Variants in SUPT3H observed in about 807,000 individuals in gnomAD.
SUPT3H encodes SPT3 homolog, SAGA and STAGA complex component.
Under a neutral mutation model 44.3 loss-of-function variants are expected in SUPT3H, and 44 were observed. The observed-to-expected ratio is 0.99, with a 90% CI of 0.78 to 1.28. SUPT3H has a LOEUF of 1.28. Among genes scored for constraint, SUPT3H ranks in the 50% most tolerant of loss-of-function variants. The pLI is 0.00. For synonymous variants in SUPT3H, 124 were observed against 125.6 expected (o/e 0.99, Z 0.09); for missense variants, 380 against 387.1 (o/e 0.98, Z 0.15).
At chr6:45,307,197 G>T (rs1367774900) in intron 2 of SUPT3H, among the ~76,000 whole-genome samples, 1 of 152,224 alleles carries the variant, frequency 6.6e-6, no homozygotes, top group Non-Finnish European at 1.5e-5. Context: ...TGGGGGCAGG[G>T]CATAGCCAAA....
rs376040127 is a variant in SUPT3H, at chr6:45,177,065, C to T, written c.102-71059G>A. Among the ~76,000 whole-genome samples the T allele has an allele frequency of 1.3e-4, 20 of 152,322 alleles. No homozygotes were observed. In the East Asian group the frequency reaches 1.9e-3, roughly 15 times the overall value. On this transcript the variant is annotated intron_variant, in intron 2 of 10. Transcript: ENST00000371459. Reference sequence around the variant, plus strand: ...TCACCAGCAACGGAACAAAGCTGGACGGAGAATGACTTTGACTAGCTGAGA... The same window carrying T: ...TCACCAGCAACGGAACAAAGCTGGATGGAGAATGACTTTGACTAGCTGAGA...
chr6:45,102,721 C>A (rs998252879), intron 3 of SUPT3H, among the ~76,000 whole-genome samples: 1 of 151,986 alleles, frequency 6.6e-6, no homozygotes, highest in Non-Finnish European at 1.5e-5. Flanking sequence ...TCGGGCAGAT[C>A]CCTCAGGTCA....
At chr6:44,889,517 A>G (rs958003478) in intron 10 of SUPT3H, among the ~76,000 whole-genome samples, 3 of 152,172 alleles carry the variant, frequency 2.0e-5, no homozygotes, top group African/African-American at 7.2e-5. Context: ...GGGGAAAGGA[A>G]TCCCTATTTA....
chr6:45,183,724 G>A (rs1461665770), intron 2 of SUPT3H, among the ~76,000 whole-genome samples: 1 of 152,188 alleles, frequency 6.6e-6, no homozygotes, highest in East Asian at 1.9e-4. Context: ...CAAGTATAAT[G>A]AGAGTGCTTT....
chr6:45,276,697 T>C (rs1464622642), intron 2 of SUPT3H, among the ~76,000 whole-genome samples: 1 of 152,204 alleles, frequency 6.6e-6, no homozygotes, highest in East Asian at 1.9e-4. Context: ...TCTCCCATTA[T>C]GAGGAGAACA....
intron 3 of SUPT3H, among the ~76,000 whole-genome samples, chr6:45,085,212 T>C (rs993729375): frequency 1.3e-5 from 2 of 151,658 alleles, no homozygotes; most frequent in African/African-American, 4.8e-5. Context: ...AGGGGAAAAA[T>C]GTGATTTGAA....
intron 2 of SUPT3H, among the ~76,000 whole-genome samples, chr6:45,208,171 T>C (rs9381373): frequency 0.52 from 79,578 of 152,016 alleles, 20,964 homozygotes; most frequent in East Asian, 0.71. Flanking sequence ...GGGTAGATGA[T>C]AATACCAGTT....
intron 2 of SUPT3H, among the ~76,000 whole-genome samples, chr6:45,173,400 G>A (rs1811150316): frequency 6.6e-6 from 1 of 152,178 alleles, no homozygotes; most frequent in African/African-American, 2.4e-5. Flanking sequence ...CAGGCACTGT[G>A]CTAAGAGCTT....
At chr6:45,031,600 G>C (rs947351039) in intron 3 of SUPT3H, among the ~76,000 whole-genome samples, 1 of 152,136 alleles carries the variant, frequency 6.6e-6, no homozygotes, top group Non-Finnish European at 1.5e-5. Flanking sequence ...TGGTCCTCAG[G>C]TTCTTCAAGT....
At chr6:44,813,616 C>A (rs1486592633) in intron 11 of SUPT3H, among the ~76,000 whole-genome samples, 1 of 142,880 alleles carries the variant, frequency 7.0e-6, no homozygotes, top group Non-Finnish European at 1.5e-5. Flanking sequence ...TCCCAAGCAA[C>A]CCAAATATTG....
chr6:45,345,738 G>A (rs894492490), intron 2 of SUPT3H, among the ~76,000 whole-genome samples: 1 of 152,122 alleles, frequency 6.6e-6, no homozygotes, highest in East Asian at 1.9e-4. Context: ...TTCTTAATGA[G>A]TATCAATGCA....
At chr6:45,255,182 TAGAG>T (rs961916768) in intron 2 of SUPT3H, among the ~76,000 whole-genome samples, 18 of 151,944 alleles carry the variant, frequency 1.2e-4, no homozygotes, top group Admixed American at 1.2e-3. Context: ...ACTATATATA[TAGAG>T]AGAGAGAGTT....
chr6:45,366,477 G>A (rs1217004511), intron 1 of SUPT3H, among the ~76,000 whole-genome samples: 1 of 152,110 alleles, frequency 6.6e-6, no homozygotes, highest in Non-Finnish European at 1.5e-5. Context: ...CACAATAAAT[G>A]TTAGCTATTG....
chr6:44,823,281 GA>G (rs1331287072), downstream of SUPT3H, among the ~76,000 whole-genome samples: 6 of 152,056 alleles, frequency 3.9e-5, no homozygotes, highest in Non-Finnish European at 8.8e-5. Flanking sequence ...AGGAAGCAGA[GA>G]GAACAACAAG....
intron 3 of SUPT3H, among the ~76,000 whole-genome samples, chr6:45,027,595 G>T (rs1362185410): frequency 1.3e-5 from 2 of 152,068 alleles, no homozygotes; most frequent in African/African-American, 4.8e-5. Flanking sequence ...GGATTTTGTT[G>T]TATTCCTTTG....
chr6:44,958,049 A>T (rs953839575), intron 7 of SUPT3H, among the ~76,000 whole-genome samples: 2 of 152,118 alleles, frequency 1.3e-5, no homozygotes, highest in Non-Finnish European at 2.9e-5. Flanking sequence ...CCTCAGAATA[A>T]ACAAGTTCCT....
intron 4 of SUPT3H, 81 bp downstream of exon 4, chr6:45,020,465 T>A: frequency 9.6e-7 from 1 of 1,037,940 alleles, no homozygotes; most frequent in Non-Finnish European, 1.4e-6. Flanking sequence ...GAAAGGTACA[T>A]AACAAGGATA....
At chr6:45,311,124 A>G (rs1364127048) in intron 2 of SUPT3H, among the ~76,000 whole-genome samples, 1 of 152,212 alleles carries the variant, frequency 6.6e-6, no homozygotes, top group African/African-American at 2.4e-5. Flanking sequence ...CACTTTTAGA[A>G]ATGCAAAATG....
intron 7 of SUPT3H, among the ~76,000 whole-genome samples, chr6:44,956,794 A>C (rs1288824633): frequency 6.6e-6 from 1 of 152,128 alleles, no homozygotes; most frequent in Admixed American, 6.5e-5. Flanking sequence ...ATGAATCTTG[A>C]TCATACAGGC....
Sources: gnomAD v4.1 joint callset for allele counts (sites outside exome capture counted in the v4.1 genomes callset) on GRCh38, gnomAD v4.1.1 for gene constraint, MANE v1.5 for transcripts, NCBI Gene and HGNC (gene_info 2026-07-23, HGNC 2026-07-21) for gene names.